Variants in ASPA observed in about 807,000 individuals in gnomAD.
ASPA encodes ACY-2.
In ASPA, 25 loss-of-function variants were observed where a neutral mutation model predicts 29.6. The observed-to-expected ratio is 0.85, with a 90% CI of 0.62 to 1.18. ASPA has a LOEUF of 1.18. ASPA is among the 50% of genes most tolerant of loss of function. The pLI is 0.00. For synonymous variants in ASPA, 131 were observed against 130.3 expected (o/e 1.01, Z -0.04); for missense variants, 333 against 385.7 (o/e 0.86, Z 1.14).
At chr17:3,494,544 G>A (rs1165480945) in intron 5 of ASPA, 85 bp downstream of exon 5, 27 of 1,134,820 alleles carry the variant, frequency 2.4e-5, no homozygotes, top group Non-Finnish European at 3.1e-5. Flanking sequence ...AGCACTTCGC[G>A]TACATTCGCC....
In ASPA at chr17:3,489,286, A is replaced by G. The variant is rs2073780173; in HGVS notation, c.578A>G (p.Asp193Gly). 1 of 1,613,234 alleles carries G rather than the reference A, an allele frequency of 6.2e-7. No homozygotes were observed. The highest frequency in any genetic ancestry group is 8.5e-7 in the Non-Finnish European group (1 of 1,179,810). Reference sequence around the variant, plus strand: ...GGGGTTCTGAGAGCTGATATCTTGGATCAAATGAGAAAAATGATTAAACAT... The same window carrying G: ...GGGGTTCTGAGAGCTGATATCTTGGGTCAAATGAGAAAAATGATTAAACAT... ...PQGVLRADIL[D>G]QMRKMIKHAL... Residue 193 changes from aspartate to glycine, a missense_variant, in exon 4 of 6, where the codon GAT (aspartate) becomes GGT (glycine). Coordinates refer to ENST00000263080, the MANE Select transcript of ASPA (RefSeq NM_000049.4).
intron 3 of ASPA, among the ~76,000 whole-genome samples, chr17:3,486,083 C>A (rs910242297): frequency 6.6e-6 from 1 of 152,102 alleles, no homozygotes; most frequent in Non-Finnish European, 1.5e-5. Context: ...CAGGTGCCCA[C>A]CACCATACCC....
intron 5 of ASPA, among the ~76,000 whole-genome samples, chr17:3,497,894 A>G (rs2073934819): frequency 6.6e-6 from 1 of 152,158 alleles, no homozygotes; most frequent in Non-Finnish European, 1.5e-5. Context: ...AAATCCCCAG[A>G]TGATTTACAA....
rs1445265534 is a variant in ASPA at position 3,502,104 on chromosome 17, AC to A, written c.*3019del. 3 of 152,196 alleles carry A rather than the reference AC, an allele frequency of 2.0e-5. No homozygotes were observed. The highest frequency in any genetic ancestry group is 4.8e-5 in the African/African-American group (2 of 41,442). The allele number at this position is 152,196 out of a possible 1,614,324, so 9.4% of individuals were successfully genotyped here. On this transcript the variant is annotated 3_prime_UTR_variant, in exon 6 of 6. Coordinates refer to ENST00000263080, the MANE Select transcript of ASPA (RefSeq NM_000049.4). ...TTAAGAAATTGTCACGGCCATCCCA[AC>A]CCTCAGTGCCCAACCACCCTGATCA... is the stretch of plus-strand genomic sequence containing the variant.
upstream of ASPA, chr17:3,475,750 G>A (rs567080566): frequency 5.2e-4 from 101 of 195,790 alleles, no homozygotes; most frequent in African/African-American, 2.2e-3. Flanking sequence ...AATTAGAAAC[G>A]TATAAACTAT....
Position 3,490,500 on chromosome 17 carries a change from C to T in ASPA, c.634+1158C>T, listed in dbSNP as rs375440961. On this transcript the variant is annotated intron_variant, in intron 4 of 5. Transcript: ENST00000263080. The surrounding 1 kb of genome is among the most constrained non-coding windows in gnomAD (Gnocchi z 4.6). ...ATAATAACAGAGGGGGTGTGTACTT[C>T]GGTGTCTGTGGGGAGTGAATTCCTC... Among the ~76,000 whole-genome samples the T allele has an allele frequency of 1.3e-4, 20 of 152,150 alleles. No individual in the cohort carries two copies. In the South Asian group the frequency reaches 2.9e-3, roughly 22 times the overall value.
intron 1 of ASPA, 98 bp from the exon 2 acceptor site, chr17:3,481,505 G>C (rs2073625966): frequency 8.9e-7 from 1 of 1,123,670 alleles, no homozygotes; most frequent in Non-Finnish European, 1.3e-6. Context: ...TCATATTAAA[G>C]ATTTGGCGAC....
At chr17:3,474,164 C>CA (rs1347994726), upstream of ASPA, 1 of 152,024 alleles carries the variant, frequency 6.6e-6, no homozygotes, top group African/African-American at 2.4e-5. Flanking sequence ...ACTCTGTACA[C>CA]AAAAAACAAG....
intron 1 of ASPA, among the ~76,000 whole-genome samples, chr17:3,476,957 C>G (rs1016323182): frequency 2.0e-5 from 3 of 152,166 alleles, no homozygotes; most frequent in African/African-American, 7.2e-5. Context: ...AGATCGAGAC[C>G]ATCCTGGCTA....
chr17:3,489,406 C>T, intron 4 of ASPA, 64 bp downstream of exon 4: 1 of 1,356,558 alleles, frequency 7.4e-7, no homozygotes, highest in Non-Finnish European at 1.1e-6. Context: ...ACAATTGGAA[C>T]CTGGGTCAGA....
At chr17:3,475,084 C>T (rs1451617854), upstream of ASPA, among the ~76,000 whole-genome samples, 1 of 152,066 alleles carries the variant, frequency 6.6e-6, no homozygotes, top group Admixed American at 6.5e-5. Flanking sequence ...CTTATTGTAC[C>T]CTCTATCAAA....
Position 3,499,004 on chromosome 17 carries a change from C to T in ASPA, c.858C>T (p.Ala286=), listed in dbSNP as rs138062143. Residue 286 remains alanine (A), a synonymous_variant, in exon 6 of 6, where the codon GCC becomes GCT. Transcript: ENST00000263080. ...CTVYPVFVNE[A]AYYEKKEAFA... is the part of the protein sequence containing the mutation. ...TGTACCCCGTGTTTGTGAATGAGGC[C>T]GCATATTACGAAAAGAAAGAAGCTT... is the stretch of plus-strand genomic sequence containing the variant. The T allele has an allele frequency of 2.8e-5, 45 of 1,614,082 alleles. No individual in the cohort carries two copies. The Middle Eastern group carries it at 6.6e-4, about 24-fold the overall frequency.
In ASPA at chr17:3,481,614, C is replaced by A; in HGVS notation, c.248C>A (p.Ser83Ter). The change falls in exon 2 of 6, where the codon TCA becomes TAA. Residue 83 changes from serine (S) to a stop codon, truncating the protein, a stop_gained. Coordinates refer to ENST00000263080, the MANE Select transcript of ASPA (RefSeq NM_000049.4). LOFTEE classifies it high-confidence loss of function. ...TCTGCTTATAACAGCAAAAAAATGT[C>A]AGAAGATTTGCCATATGAAGTGAGA... ...FDLENLGKKM[S>*]EDLPYEVRRA... 1 of 1,613,380 alleles carries A rather than the reference C, an allele frequency of 6.2e-7. No homozygotes were observed. Among genetic ancestry groups the A allele is most frequent in the South Asian group, 1.1e-5 (1 of 90,946 alleles).
At chr17:3,484,909 G>T (rs1261919751) in intron 3 of ASPA, among the ~76,000 whole-genome samples, 1 of 152,114 alleles carries the variant, frequency 6.6e-6, no homozygotes, top group African/African-American at 2.4e-5. Context: ...AGCACTCTCT[G>T]TTCCCTATCC....
chr17:3,499,931 G>A lies in ASPA; in HGVS notation c.*843G>A, dbSNP rs2073970093. The stretch of plus-strand genomic sequence containing the variant: ...CTCTTGCACTGGTTAGCCAAGTTGT[G>A]AATTCAAAGAAAAGGATCTTGAAGA... On this transcript the variant is annotated 3_prime_UTR_variant, in exon 6 of 6. Coordinates refer to ENST00000263080, the MANE Select transcript of ASPA (RefSeq NM_000049.4). 1 of 152,194 alleles carries A rather than the reference G, an allele frequency of 6.6e-6. No individual in the cohort carries two copies. Among genetic ancestry groups the A allele is most frequent in the Non-Finnish European group, 1.5e-5 (1 of 68,046 alleles). 9.4% of individuals were successfully genotyped at this position (152,194 alleles called of 1,614,324 possible).
rs1409938182 is a variant in ASPA at position 3,486,118 on chromosome 17, G to A, written c.526+2526G>A. ...CAGCAAATTTTTTGCATTTTTAGTA[G>A]AGACAGGGTTTCATCATGTTGGCCA... On this transcript the variant is annotated intron_variant, in intron 3 of 5. Coordinates refer to ENST00000263080, the MANE Select transcript of ASPA (RefSeq NM_000049.4). Among the ~76,000 whole-genome samples, 4 of 152,108 alleles carry A rather than the reference G, an allele frequency of 2.6e-5. No homozygotes were observed. In the East Asian group the frequency reaches 7.7e-4, roughly 29 times the overall value.
rs375515697 is a variant in ASPA at position 3,494,337 on chromosome 17, G to C, written c.635-13G>C. ...TTTTTAGTTGCCATTGATACATATTGTTTTTGTCATAGGAAAAGAATTTCC... is the reference window on the plus strand; with the variant it reads ...TTTTTAGTTGCCATTGATACATATTCTTTTTGTCATAGGAAAAGAATTTCC... On this transcript the variant is annotated splice_polypyrimidine_tract_variant and intron_variant, in intron 4 of 5. Transcript: ENST00000263080. The C allele has an allele frequency of 1.6e-5, 25 of 1,579,858 alleles. No individual in the cohort carries two copies. In the African/African-American group the frequency reaches 3.0e-4, roughly 19 times the overall value.
At chr17:3,489,913 AT>A (rs1193223373) in intron 4 of ASPA, among the ~76,000 whole-genome samples, 4 of 152,238 alleles carry the variant, frequency 2.6e-5, no homozygotes, top group South Asian at 4.1e-4. Flanking sequence ...GTTATCGTGC[AT>A]CATTTATAAC....
In ASPA at chr17:3,485,224, A is replaced by G. The variant is rs2073698684; in HGVS notation, c.526+1632A>G. 6.6e-6 allele frequency among the ~76,000 whole-genome samples: 1 copy of G among 152,106 alleles called. No individual in the cohort carries two copies. The highest frequency in any genetic ancestry group is 1.5e-5 in the Non-Finnish European group (1 of 68,024). ...GTAGAGACAGGATCTCAGTATGATC[A>G]GGTCTCAAACTCCTGATTCAAGCGA... On this transcript the variant is annotated intron_variant, in intron 3 of 5. Coordinates refer to ENST00000263080, the MANE Select transcript of ASPA (RefSeq NM_000049.4). The surrounding 1 kb of genome is among the most constrained non-coding windows in gnomAD (Gnocchi z 4.4).
Sources: gnomAD v4.1 joint callset for allele counts (sites outside exome capture counted in the v4.1 genomes callset) on GRCh38, gnomAD v4.1.1 for gene constraint, Gnocchi (gnomAD v3.1) non-coding constraint, MANE v1.5 for transcripts, NCBI Gene and HGNC (gene_info 2026-07-23, HGNC 2026-07-21) for gene names.